CCDC7: variants seen among roughly 807,000 people sequenced by gnomAD.
The protein encoded by CCDC7 is coiled-coil domain-containing protein 7.
CCDC7 carries 183 observed loss-of-function variants against 196.9 expected under a neutral mutation model. The ratio of observed to expected loss-of-function variants is 0.93; its 90% confidence interval spans 0.82 to 1.05. The LOEUF is 1.05. CCDC7 is among the 50% of genes least tolerant of loss of function. The probability of loss-of-function intolerance (pLI) is 0.00; values close to 1 mark genes in which losing one functional copy is unlikely to be tolerated. For missense variants in CCDC7, 1,540 were observed against 1,482.2 expected (o/e 1.04, Z -0.64); for synonymous variants, 525 against 484.6 (o/e 1.08, Z -1.10).
chr10:32,845,469 T>C, intron 34 of CCDC7, 74 bp from the exon 36 acceptor site: 1 of 1,363,536 alleles, frequency 7.3e-7, no homozygotes, highest in Non-Finnish European at 1.0e-6. Context: ...CTCCTATAAT[T>C]AAACACAAAA....
chr10:32,709,980 T>C (rs551061456), intron 24 of CCDC7, among the ~76,000 whole-genome samples: 1 of 152,266 alleles, frequency 6.6e-6, no homozygotes, highest in East Asian at 1.9e-4. Flanking sequence ...AAATGTATTT[T>C]AGTCATAGGG....
intron 24 of CCDC7, among the ~76,000 whole-genome samples, chr10:32,705,791 C>G (rs1315431945): frequency 6.6e-6 from 1 of 152,082 alleles, no homozygotes; most frequent in Non-Finnish European, 1.5e-5. Flanking sequence ...TGTGTGCACC[C>G]AATACAGGAG....
chr10:32,607,418 G>A (rs2061659969), intron 18 of CCDC7, among the ~76,000 whole-genome samples: 1 of 152,152 alleles, frequency 6.6e-6, no homozygotes, highest in African/African-American at 2.4e-5. Flanking sequence ...AATCTTAGAG[G>A]AAAAGGTTTC....
chr10:32,854,408 A>G (rs374927283), exon 41 of CCDC7: 1 of 1,598,794 alleles, frequency 6.3e-7, no homozygotes, highest in Non-Finnish European at 8.5e-7. Context: ...AGGGCATTCG[A>G]AAGTTGTTAC....
intron 21 of CCDC7, among the ~76,000 whole-genome samples, chr10:32,677,108 T>G (rs1234921157): frequency 1.3e-5 from 2 of 148,968 alleles, no homozygotes; most frequent in East Asian, 2.0e-4. Context: ...AGTAAACTAT[T>G]GCAAGGACAA....
chr10:32,718,492 T>C (rs569641043), intron 25 of CCDC7, among the ~76,000 whole-genome samples: 1 of 152,300 alleles, frequency 6.6e-6, no homozygotes, highest in South Asian at 2.1e-4. Flanking sequence ...TCACCACTCC[T>C]ATTCAACATA....
intron 41 of CCDC7, among the ~76,000 whole-genome samples, chr10:32,871,097 G>T (rs2094412096): frequency 6.6e-6 from 1 of 152,110 alleles, no homozygotes; most frequent in South Asian, 2.1e-4. Context: ...TTTGGTATCA[G>T]GATGATGCTG....
chr10:32,635,227 T>G, intron 20 of CCDC7, 69 bp downstream of exon 21: 1 of 393,296 alleles, frequency 2.5e-6, no homozygotes, highest in Non-Finnish European at 4.5e-6. Context: ...TTATGGTTCA[T>G]GAATATATCT....
At chr10:32,580,571 G>T (rs923795733) in intron 16 of CCDC7, among the ~76,000 whole-genome samples, 13 of 151,920 alleles carry the variant, frequency 8.6e-5, no homozygotes, top group African/African-American at 3.1e-4. Context: ...ATGTTAGTTT[G>T]TACTGTATTA....
intron 28 of CCDC7, among the ~76,000 whole-genome samples, chr10:32,747,097 C>T (rs1477191079): frequency 6.6e-6 from 1 of 152,162 alleles, no homozygotes; most frequent in African/African-American, 2.4e-5. Flanking sequence ...ACCCTTGGCC[C>T]CTGCAAGCAT....
At chr10:32,874,546 G>A (rs972799907) in intron 41 of CCDC7, among the ~76,000 whole-genome samples, 11 of 151,362 alleles carry the variant, frequency 7.3e-5, no homozygotes, top group South Asian at 6.2e-4. Flanking sequence ...TTTGGTTTCC[G>A]ATTCGAATTA....
At chr10:32,804,642 T>G (rs1285716884) in intron 29 of CCDC7, among the ~76,000 whole-genome samples, 1 of 152,010 alleles carries the variant, frequency 6.6e-6, no homozygotes, top group Non-Finnish European at 1.5e-5. Flanking sequence ...TGAATGTGAT[T>G]CAATATAAAC....
rs764484260 is a variant in CCDC7 at position 32,517,994 on chromosome 10, A to G, written c.903+19A>G. The G allele has an allele frequency of 9.0e-6, 14 of 1,555,890 alleles. No individual in the cohort carries two copies. The highest frequency in any genetic ancestry group is 1.0e-5 in the Non-Finnish European group (12 of 1,155,824). On this transcript the variant is annotated intron_variant, in intron 10 of 41. Transcript: ENST00000639629. ...AGATGCTGTAAGTATAGTACTCTCA[A>G]TTTGAAATTACACTTTGTCCTTGAG...
At chr10:32,518,909 T>A (rs2047464027) in intron 11 of CCDC7, among the ~76,000 whole-genome samples, 1 of 152,170 alleles carries the variant, frequency 6.6e-6, no homozygotes, top group Non-Finnish European at 1.5e-5. Context: ...TTGTTTCCTC[T>A]TGTATTTTAT....
At chr10:32,877,817 C>T (rs1311679209), downstream of CCDC7, among the ~76,000 whole-genome samples, 1 of 152,146 alleles carries the variant, frequency 6.6e-6, no homozygotes, top group Non-Finnish European at 1.5e-5. Flanking sequence ...CTTGCATCCC[C>T]AGACCAATTA....
chr10:32,500,253 G>T (rs935710856), intron 9 of CCDC7, among the ~76,000 whole-genome samples: 37 of 151,644 alleles, frequency 2.4e-4, no homozygotes, highest in Non-Finnish European at 2.1e-4. Context: ...TCCTGGACGG[G>T]GCGGCTGCCC....
At chr10:32,859,357 T>A (rs7904639) in intron 41 of CCDC7, among the ~76,000 whole-genome samples, 23,780 of 152,126 alleles carry the variant, frequency 0.16, 2,292 homozygotes, top group African/African-American at 0.25. Flanking sequence ...ATAAAGATGT[T>A]CTTTGAAACC....
chr10:32,849,935 C>T (rs1292202966), intron 39 of CCDC7, among the ~76,000 whole-genome samples: 1 of 151,980 alleles, frequency 6.6e-6, no homozygotes, highest in Admixed American at 6.6e-5. Flanking sequence ...ACTTGGATCC[C>T]TACTTCTGAA....
chr10:32,695,069 A>G, intron 24 of CCDC7, 77 bp downstream of exon 25: 1 of 678,614 alleles, frequency 1.5e-6, no homozygotes, highest in South Asian at 3.3e-5. Flanking sequence ...GTTCATGACT[A>G]TGTAGTTGAG....
Sources: gnomAD v4.1 joint callset for allele counts (sites outside exome capture counted in the v4.1 genomes callset) on GRCh38, gnomAD v4.1.1 for gene constraint, MANE v1.5 for transcripts, NCBI Gene and HGNC (gene_info 2026-07-23, HGNC 2026-07-21) for gene names.